PCDHGA2: variants seen among roughly 807,000 people sequenced by gnomAD.
PCDHGA2 encodes protocadherin gamma-A2.
In PCDHGA2, 40 loss-of-function variants were observed where a neutral mutation model predicts 59.2. That is an observed-to-expected ratio of 0.68 (90% confidence interval 0.52 to 0.88). PCDHGA2 has a LOEUF of 0.88. Ranked by LOEUF, PCDHGA2 falls within the 40% of genes least tolerant of loss-of-function variation. The pLI, the probability that PCDHGA2 is intolerant of heterozygous loss-of-function variation, is 0.00. For missense variants in PCDHGA2, 1,226 were observed against 1,204.0 expected (o/e 1.02, Z -0.27); for synonymous variants, 560 against 526.0 (o/e 1.06, Z -0.89).
At chr5:141,344,249 G>A (rs766061974) in intron 1 of PCDHGA2, 4 of 1,613,930 alleles carry the variant, frequency 2.5e-6, no homozygotes, top group East Asian at 4.5e-5. Context: ...GAGGTAGGAC[G>A]CAGCTTTTCT....
rs1427052612 is a variant in PCDHGA2 at position 141,493,002 on chromosome 5, A to G, written c.2425-1805A>G. Among the ~76,000 whole-genome samples, 4 of 152,246 alleles carry G rather than the reference A, an allele frequency of 2.6e-5. No individual in the cohort carries two copies. The highest frequency in any genetic ancestry group is 2.1e-4 in the South Asian group (1 of 4,832). On this transcript the variant is annotated intron_variant, in intron 1 of 3. Transcript: ENST00000394576. This position sits in a 1 kb window ranked among gnomAD's most constrained non-coding sequence, Gnocchi z 4.3. ...TCTCCTCTGGCAGATGGAAAGCTAT[A>G]GGCTCTGCCAGATGCCAGGGTGCCC... is the stretch of plus-strand genomic sequence containing the variant.
intron 3 of PCDHGA2, among the ~76,000 whole-genome samples, chr5:141,508,937 G>T (rs764041162): frequency 3.0e-4 from 45 of 152,040 alleles, no homozygotes; most frequent in Non-Finnish European, 6.3e-4. Flanking sequence ...AGTTAATTAG[G>T]GAAAACAGAG....
At chr5:141,425,957 C>A (rs1317696447) in intron 1 of PCDHGA2, among the ~76,000 whole-genome samples, 1 of 152,140 alleles carries the variant, frequency 6.6e-6, no homozygotes, top group Non-Finnish European at 1.5e-5. Context: ...TACATTAGTC[C>A]AACACATCAG....
rs1347978078 is a variant in PCDHGA2, at chr5:141,486,800, C to G, written c.2425-8007C>G. ...GGTGCAGGCCCGGGATCGGGGCAAC[C>G]CACCCCTTAGCAGCACTGTAACAGT... On this transcript the variant is annotated intron_variant, in intron 1 of 3. Coordinates refer to ENST00000394576, the MANE Select transcript of PCDHGA2 (RefSeq NM_018915.4). The surrounding 1 kb of genome is among the most constrained non-coding windows in gnomAD (Gnocchi z 5.0). 1.9e-6 allele frequency: 3 copies of G among 1,614,104 alleles called. No individual in the cohort carries two copies. In the Admixed American group the frequency reaches 5.0e-5, roughly 27 times the overall value.
chr5:141,477,506 G>T lies in PCDHGA2; in HGVS notation c.2425-17301G>T, dbSNP rs766083208. 6.2e-7 allele frequency: 1 copy of T among 1,614,028 alleles called. No homozygotes were observed. The highest frequency in any genetic ancestry group is 8.5e-7 in the Non-Finnish European group (1 of 1,180,016). On this transcript the variant is annotated intron_variant, in intron 1 of 3. Coordinates refer to ENST00000394576, the MANE Select transcript of PCDHGA2 (RefSeq NM_018915.4). This position sits in a 1 kb window ranked among gnomAD's most constrained non-coding sequence, Gnocchi z 4.9. ...ACAATCTTCTCAATCTTCCTACGAC[G>T]TTTACATTGAAGAAAACAACCTCCC...
In PCDHGA2 at chr5:141,431,561, G is replaced by T; in HGVS notation, c.2425-63246G>T. The T allele has an allele frequency of 6.2e-7, 1 of 1,614,146 alleles. No homozygotes were observed. On this transcript the variant is annotated intron_variant, in intron 1 of 3. Transcript: ENST00000394576. This position sits in a 1 kb window ranked among gnomAD's most constrained non-coding sequence, Gnocchi z 4.8. Reference sequence around the variant, plus strand: ...GCAGCTGCTTGTAGTCAACGCTACCGACCCTGACGAAGGAGTCAATGCGGA... The same window carrying T: ...GCAGCTGCTTGTAGTCAACGCTACCTACCCTGACGAAGGAGTCAATGCGGA...
At chr5:141,418,536 C>G (rs1196331424) in intron 1 of PCDHGA2, 6 of 1,614,026 alleles carry the variant, frequency 3.7e-6, no homozygotes, top group South Asian at 1.1e-5. Flanking sequence ...AGCGGTACTG[C>G]TCAGATAAGA....
chr5:141,365,309 C>T lies in PCDHGA2; in HGVS notation c.2424+23914C>T, dbSNP rs200560640. 105 of 1,613,826 alleles carry T rather than the reference C, an allele frequency of 6.5e-5. 1 individual carries two copies. The highest frequency in any genetic ancestry group is 8.5e-5 in the Non-Finnish European group (100 of 1,179,886). ...AGTGGTAGCTCAGGATGGAGGCGCT[C>T]TTGTTGCCAGCGCTAAGGTGGTGGT... On this transcript the variant is annotated intron_variant, in intron 1 of 3. Transcript: ENST00000394576.
At position 141,489,062 on chromosome 5, in the gene PCDHGA2, C is replaced by G. The variant is rs1466124551; in HGVS notation, c.2425-5745C>G. Reference sequence around the variant, plus strand: ...GCTCCACTCAAATTCAGCTCCCCTCCCCCCTGCCCACCCCCGCCACTCGGT... The same window carrying G: ...GCTCCACTCAAATTCAGCTCCCCTCGCCCCTGCCCACCCCCGCCACTCGGT... On this transcript the variant is annotated intron_variant, in intron 1 of 3. Transcript: ENST00000394576. This position sits in a 1 kb window ranked among gnomAD's most constrained non-coding sequence, Gnocchi z 4.5. 5.3e-6 allele frequency: 2 copies of G among 378,914 alleles called. No homozygotes were observed. Among genetic ancestry groups the G allele is most frequent in the Non-Finnish European group, 9.5e-6 (2 of 209,830 alleles). 23.5% of individuals were successfully genotyped at this position (378,914 alleles called of 1,614,324 possible).
At chr5:141,362,380 C>A in intron 1 of PCDHGA2, 4 of 1,614,026 alleles carry the variant, frequency 2.5e-6, no homozygotes, top group Non-Finnish European at 3.4e-6. Context: ...GGGTACATTG[C>A]CCTATTCCTA....
Position 141,339,749 on chromosome 5 carries a change from C to G in PCDHGA2, c.778C>G (p.Arg260Gly), listed in dbSNP as rs145851665. 121 of 1,613,952 alleles carry G rather than the reference C, an allele frequency of 7.5e-5. No individual in the cohort carries two copies. Among genetic ancestry groups the G allele is most frequent in the Middle Eastern group, 1.6e-4 (1 of 6,084 alleles). Residue 260 changes from arginine (R) to glycine (G), a missense_variant, in exon 1 of 4, where the codon CGG (arginine) becomes GGG (glycine). By Grantham distance (125) the Arg-to-Gly change is moderately radical. Transcript: ENST00000394576. ...SIPENTLVGTRILTVTATDAD... is the reference protein window; with the variant it reads ...SIPENTLVGTGILTVTATDAD... ...TCCGGAGAATACGCTCGTGGGCACC[C>G]GGATACTCACGGTGACCGCCACTGA...
intron 1 of PCDHGA2, chr5:141,423,756 GGGGGT>G: frequency 1.1e-5 from 5 of 448,566 alleles, no homozygotes; most frequent in African/African-American, 2.8e-5. Context: ...TGTTTGGGGG[GGGGGT>G]GGGGCGGCAT....
Position 141,477,439 on chromosome 5 carries a change from A to C in PCDHGA2, c.2425-17368A>C. 1 of 1,614,142 alleles carries C rather than the reference A, an allele frequency of 6.2e-7. No homozygotes were observed. Among genetic ancestry groups the C allele is most frequent in the Non-Finnish European group, 8.5e-7 (1 of 1,180,016 alleles). On this transcript the variant is annotated intron_variant, in intron 1 of 3. Transcript: ENST00000394576. This position sits in a 1 kb window ranked among gnomAD's most constrained non-coding sequence, Gnocchi z 4.9. ...GAACCCCTTCCCTCTCAGCCCTTAC[A>C]ATAGTGCGTGTTCAAGTGTCCGACA... is the stretch of plus-strand genomic sequence containing the variant.
rs780665474 is a variant in PCDHGA2 at position 141,371,288 on chromosome 5, G to C, written c.2424+29893G>C. The C allele has an allele frequency of 2.5e-6, 4 of 1,613,874 alleles. No homozygotes were observed. The East Asian group carries it at 6.7e-5, about 27-fold the overall frequency. ...AACTGTTCAAGCTGGACAGTAAAAC[G>C]GGGGAACTCACCACTATTGGAGAAC... On this transcript the variant is annotated intron_variant, in intron 1 of 3. Transcript: ENST00000394576.
chr5:141,404,363 A>G (rs1459982001), intron 1 of PCDHGA2: 15 of 1,613,846 alleles, frequency 9.3e-6, no homozygotes, highest in African/African-American at 1.3e-5. Flanking sequence ...AGGTACTTCC[A>G]TCTTCTCCGT....
intron 1 of PCDHGA2, chr5:141,426,986 C>T (rs764345099): frequency 1.8e-5 from 8 of 456,618 alleles, no homozygotes; most frequent in South Asian, 7.7e-5. Flanking sequence ...CTGATGCCAA[C>T]GATAATGCCC....
intron 1 of PCDHGA2, chr5:141,344,650 A>G (rs1396290994): frequency 5.0e-6 from 8 of 1,613,846 alleles, no homozygotes; most frequent in African/African-American, 1.3e-5. Context: ...GAGAAAAAAG[A>G]AATTCACCAG....
At chr5:141,387,821 A>C (rs2091106896) in intron 1 of PCDHGA2, 3 of 1,577,920 alleles carry the variant, frequency 1.9e-6, no homozygotes, top group Non-Finnish European at 2.6e-6. Context: ...AAAATCTGCA[A>C]TACAGAGGTT....
chr5:141,403,809 A>C (rs1242181843), intron 1 of PCDHGA2: 1 of 1,613,904 alleles, frequency 6.2e-7, no homozygotes, highest in South Asian at 1.1e-5. Flanking sequence ...AAAATTAATG[A>C]AAAACAATCT....
Sources: gnomAD v4.1 joint callset for allele counts (sites outside exome capture counted in the v4.1 genomes callset) on GRCh38, gnomAD v4.1.1 for gene constraint, Gnocchi (gnomAD v3.1) non-coding constraint, MANE v1.5 for transcripts, NCBI Gene and HGNC (gene_info 2026-07-23, HGNC 2026-07-21) for gene names.